Variants in ZC3H12B observed in about 807,000 individuals in gnomAD.
ZC3H12B encodes zinc finger CCCH-type containing 12B.
A neutral mutation model predicts 43.9 loss-of-function variants in ZC3H12B; 7 were observed. The ratio of observed to expected loss-of-function variants is 0.16; its 90% confidence interval spans 0.09 to 0.30. The LOEUF is 0.30. Among genes scored for constraint, ZC3H12B ranks in the 10% least tolerant of loss-of-function variants. The probability of loss-of-function intolerance (pLI) is 1.00; values close to 1 mark genes in which losing one functional copy is unlikely to be tolerated. For synonymous variants in ZC3H12B, 222 were observed against 241.7 expected (o/e 0.92, Z 0.76); for missense variants, 475 against 670.2 (o/e 0.71, Z 3.22).
the ZC3H12B span, among the ~76,000 whole-genome samples, chrX:65,134,140 T>A: frequency 1.8e-5 from 2 of 109,340 alleles, no homozygotes; most frequent in African/African-American, 6.7e-5. Context: ...GGGTGGAAGG[T>A]TGCCCATAGT....
chrX:65,223,315 A>C, the ZC3H12B span, among the ~76,000 whole-genome samples: 1 of 111,813 alleles, frequency 8.9e-6, no homozygotes, highest in South Asian at 3.7e-4. Flanking sequence ...AAAAAAAAAA[A>C]AATCAACTCA....
chrX:65,255,165 C>A, the ZC3H12B span, among the ~76,000 whole-genome samples: 1 of 111,571 alleles, frequency 9.0e-6, no homozygotes, highest in African/African-American at 3.3e-5. Context: ...ATAAAATTTT[C>A]CCAACTTCAC....
At chrX:65,278,606 G>T in the ZC3H12B span, among the ~76,000 whole-genome samples, 22 of 111,587 alleles carry the variant, frequency 2.0e-4, no homozygotes, top group Non-Finnish European at 3.8e-4. Flanking sequence ...AACTGAATCA[G>T]TAATACAGTC....
At chrX:65,160,939 C>G in the ZC3H12B span, among the ~76,000 whole-genome samples, 1 of 110,351 alleles carries the variant, frequency 9.1e-6, no homozygotes, top group African/African-American at 3.3e-5. Flanking sequence ...TGAATGTGTC[C>G]CAGAGATTCT....
At chrX:65,123,320 C>T in the ZC3H12B span, among the ~76,000 whole-genome samples, 9 of 111,238 alleles carry the variant, frequency 8.1e-5, no homozygotes, top group African/African-American at 2.0e-4. Context: ...CTGCTGGATT[C>T]GGTTTGCCAG....
At chrX:65,098,596 G>A in the ZC3H12B span, among the ~76,000 whole-genome samples, 1 of 110,000 alleles carries the variant, frequency 9.1e-6, no homozygotes, top group Non-Finnish European at 1.9e-5. Context: ...CCCACAGAGG[G>A]CAAGCAGAAG....
chrX:65,134,179 G>A, the ZC3H12B span, among the ~76,000 whole-genome samples: 34 of 110,642 alleles, frequency 3.1e-4, 2 homozygotes, highest in Non-Finnish European at 4.5e-4. Flanking sequence ...GAAAAGAGAG[G>A]GTAGAGACAC....
At chrX:65,354,179 C>G in the ZC3H12B span, among the ~76,000 whole-genome samples, 1 of 112,150 alleles carries the variant, frequency 8.9e-6, no homozygotes, top group Non-Finnish European at 1.9e-5. Context: ...GAGGAGACAC[C>G]TCCCAGCAGG....
At chrX:65,062,688 C>T in the ZC3H12B span, among the ~76,000 whole-genome samples, 5 of 111,813 alleles carry the variant, frequency 4.5e-5, no homozygotes, top group Non-Finnish European at 7.5e-5. Flanking sequence ...TTTTGTAATT[C>T]TGTGAACAAA....
chrX:65,338,219 C>T, the ZC3H12B span, among the ~76,000 whole-genome samples: 190 of 110,934 alleles, frequency 1.7e-3, no homozygotes, highest in Non-Finnish European at 2.5e-3. Context: ...TCATAAGGGT[C>T]GGCTAGCAGT....
At chrX:65,294,913 A>G in the ZC3H12B span, among the ~76,000 whole-genome samples, 1 of 110,903 alleles carries the variant, frequency 9.0e-6, no homozygotes, top group Admixed American at 9.7e-5. Context: ...GGGGGACTTC[A>G]TTACTCAACT....
chrX:65,159,834 T>G, the ZC3H12B span, among the ~76,000 whole-genome samples: 248 of 112,046 alleles, frequency 2.2e-3, 2 homozygotes, highest in African/African-American at 7.4e-3. Flanking sequence ...CATCCCTGTC[T>G]TGTGCCAGTT....
the ZC3H12B span, among the ~76,000 whole-genome samples, chrX:65,322,591 A>G: frequency 2.8e-4 from 31 of 110,985 alleles, no homozygotes; most frequent in South Asian, 7.6e-4. Context: ...ATCCTTTTCC[A>G]TTTGTCTCCG....
the ZC3H12B span, among the ~76,000 whole-genome samples, chrX:65,330,255 G>T: frequency 3.6e-5 from 4 of 111,647 alleles, no homozygotes; most frequent in East Asian, 8.5e-4. Context: ...CATTAATTTT[G>T]TATCCTGAAA....
At chrX:65,347,925 A>C in the ZC3H12B span, among the ~76,000 whole-genome samples, 4 of 112,332 alleles carry the variant, frequency 3.6e-5, no homozygotes, top group Non-Finnish European at 7.5e-5. Flanking sequence ...CGATGAATTC[A>C]TGTCCTTTGT....
chrX:65,323,893 G>A, the ZC3H12B span, among the ~76,000 whole-genome samples: 3 of 112,062 alleles, frequency 2.7e-5, no homozygotes, highest in Non-Finnish European at 5.6e-5. Flanking sequence ...ATTTTAACTA[G>A]CATGAGATGG....
At chrX:65,245,154 A>G in the ZC3H12B span, among the ~76,000 whole-genome samples, 1 of 111,885 alleles carries the variant, frequency 8.9e-6, no homozygotes, top group African/African-American at 3.2e-5. Flanking sequence ...AGAAATGGAT[A>G]AATTCCTGAA....
the ZC3H12B span, among the ~76,000 whole-genome samples, chrX:65,319,457 A>C: frequency 8.9e-6 from 1 of 111,734 alleles, no homozygotes; most frequent in African/African-American, 3.3e-5. Flanking sequence ...AGAAAAAAAC[A>C]CAGGCCTAGA....
the ZC3H12B span, among the ~76,000 whole-genome samples, chrX:65,148,215 G>A: frequency 2.7e-5 from 3 of 111,146 alleles, no homozygotes; most frequent in South Asian, 7.6e-4. Flanking sequence ...CCTGAAGTGT[G>A]AGGCTATGTC....
Sources: gnomAD v4.1 joint callset for allele counts (sites outside exome capture counted in the v4.1 genomes callset) on GRCh38, gnomAD v4.1.1 for gene constraint, MANE v1.5 for transcripts, NCBI Gene and HGNC (gene_info 2026-07-23, HGNC 2026-07-21) for gene names.